RCSD1: variants seen among roughly 807,000 people sequenced by gnomAD.
RCSD1 encodes the protein RCSD domain containing 1.
In RCSD1, 26 loss-of-function variants were observed where a neutral mutation model predicts 42.5. That is an observed-to-expected ratio of 0.61 (90% CI 0.45 to 0.85). The LOEUF (loss-of-function observed/expected upper bound fraction) is 0.85, where lower values mean the gene tolerates loss of function less well. Ranked by LOEUF, RCSD1 falls within the 40% of genes least tolerant of loss-of-function variation. RCSD1 has a pLI of 0.00. For missense variants in RCSD1, 571 were observed against 528.3 expected (o/e 1.08, Z -0.79); for synonymous variants, 220 against 212.2 (o/e 1.04, Z -0.32).
chr1:167,671,127 C>T (rs1055149444), intron 1 of RCSD1, among the ~76,000 whole-genome samples: 5 of 152,176 alleles, frequency 3.3e-5, no homozygotes, highest in Non-Finnish European at 5.9e-5. Context: ...GAATCCCTAG[C>T]GCCTGGCCTA....
intron 1 of RCSD1, among the ~76,000 whole-genome samples, chr1:167,676,470 A>G (rs1444131072): frequency 6.6e-6 from 1 of 152,256 alleles, no homozygotes; most frequent in African/African-American, 2.4e-5. Flanking sequence ...ATATATCAGA[A>G]GCAAGACTGA....
chr1:167,664,631 G>C (rs1658611641), intron 1 of RCSD1: 2 of 152,254 alleles, frequency 1.3e-5, no homozygotes, highest in Non-Finnish European at 2.9e-5. Flanking sequence ...CTGGCTGGCT[G>C]TTATGGCTCA....
At chr1:167,631,082 G>C (rs1657685107) in intron 1 of RCSD1, among the ~76,000 whole-genome samples, 1 of 152,244 alleles carries the variant, frequency 6.6e-6, no homozygotes, top group African/African-American at 2.4e-5. Context: ...CTCTGAAGCT[G>C]TGTGTATGGA....
chr1:167,676,919 G>A (rs1182498461), intron 1 of RCSD1, among the ~76,000 whole-genome samples: 17 of 152,152 alleles, frequency 1.1e-4, no homozygotes, highest in Non-Finnish European at 8.8e-5. Context: ...TTCCAAACAG[G>A]GACACACTCC....
chr1:167,666,925 A>G (rs1381709976), intron 1 of RCSD1, among the ~76,000 whole-genome samples: 1 of 152,252 alleles, frequency 6.6e-6, no homozygotes, highest in East Asian at 1.9e-4. Context: ...CCCTAAGACA[A>G]TTCTTCCACT....
rs183653927 is a variant in RCSD1, at chr1:167,697,381, A to C, written c.757A>C (p.Arg253=). ...PSRTEKQEED[R]ATEEAKNGEK... is the part of the protein sequence containing the mutation. ...CAGGACAGAGAAGCAGGAGGAGGACAGGGCCACAGAGGAAGCCAAGAACGG... is the reference window on the plus strand; with the variant it reads ...CAGGACAGAGAAGCAGGAGGAGGACCGGGCCACAGAGGAAGCCAAGAACGG... The change falls in exon 6 of 7, where the codon AGG becomes CGG. Residue 253 remains arginine, a synonymous_variant. Transcript: ENST00000367854. 7.4e-6 allele frequency: 12 copies of C among 1,613,872 alleles called. No individual in the cohort carries two copies. The East Asian group carries it at 2.2e-4, about 30-fold the overall frequency.
intron 1 of RCSD1, among the ~76,000 whole-genome samples, chr1:167,641,112 C>G (rs1409823821): frequency 2.0e-5 from 3 of 152,148 alleles, no homozygotes; most frequent in Non-Finnish European, 4.4e-5. Context: ...CCCCTAGTGC[C>G]TGGGTCTCAG....
At chr1:167,646,150 T>A (rs1234378062) in intron 1 of RCSD1, among the ~76,000 whole-genome samples, 1 of 152,164 alleles carries the variant, frequency 6.6e-6, no homozygotes, top group Non-Finnish European at 1.5e-5. Flanking sequence ...TCTAGGAGCA[T>A]GGAGAATTTT....
intron 1 of RCSD1, among the ~76,000 whole-genome samples, chr1:167,662,598 A>G (rs1439933703): frequency 6.6e-6 from 1 of 152,216 alleles, no homozygotes; most frequent in Non-Finnish European, 1.5e-5. Flanking sequence ...TGCTTTCCAG[A>G]AACTCTCCTT....
At chr1:167,633,628 G>A (rs1657757631) in intron 1 of RCSD1, 1 of 152,310 alleles carries the variant, frequency 6.6e-6, no homozygotes, top group Non-Finnish European at 1.5e-5. Flanking sequence ...TCAAACGGGT[G>A]GCTTTTTCTA....
intron 1 of RCSD1, among the ~76,000 whole-genome samples, chr1:167,657,227 T>A (rs1658443787): frequency 6.6e-6 from 1 of 152,240 alleles, no homozygotes; most frequent in South Asian, 2.1e-4. Flanking sequence ...CCTTTGGAGA[T>A]ACAATCTGTT....
At chr1:167,659,653 C>G (rs537941124) in intron 1 of RCSD1, among the ~76,000 whole-genome samples, 1 of 152,186 alleles carries the variant, frequency 6.6e-6, no homozygotes, top group Non-Finnish European at 1.5e-5. Flanking sequence ...CATTCCCTGG[C>G]CAGATCTTAC....
chr1:167,682,527 C>T (rs1347419365), intron 1 of RCSD1, among the ~76,000 whole-genome samples: 2 of 152,130 alleles, frequency 1.3e-5, no homozygotes, highest in East Asian at 3.8e-4. Context: ...CTGGAAGTGG[C>T]TGGGAGGTGA....
At position 167,706,478 on chromosome 1, in the gene RCSD1, T is replaced by TTTTCC. The variant is rs924140036; in HGVS notation, c.*1784_*1785insTCCTT. ...GTGAATGTGTGATGAAAAGGGCCAC[T>TTTTCC]TTACTTGAGGAAGGCATGGAACAGA... On this transcript the variant is annotated 3_prime_UTR_variant, in exon 7 of 7. Transcript: ENST00000367854. 6.6e-6 allele frequency among the ~76,000 whole-genome samples: 1 copy of TTTTCC among 152,108 alleles called. No individual in the cohort carries two copies. Among genetic ancestry groups the TTTTCC allele is most frequent in the African/African-American group, 2.4e-5 (1 of 41,364 alleles).
At chr1:167,677,651 A>C (rs1361574748) in intron 1 of RCSD1, among the ~76,000 whole-genome samples, 1 of 152,214 alleles carries the variant, frequency 6.6e-6, no homozygotes, top group Non-Finnish European at 1.5e-5. Context: ...TGAGTAGAGG[A>C]AACAGTCCAC....
intron 1 of RCSD1, among the ~76,000 whole-genome samples, chr1:167,643,575 G>A (rs548524659): frequency 3.2e-4 from 49 of 152,368 alleles, no homozygotes; most frequent in African/African-American, 1.0e-3. Context: ...ATGCAGGAAT[G>A]CAGGCTTCAT....
At chr1:167,647,903 A>T (rs74347209) in intron 1 of RCSD1, among the ~76,000 whole-genome samples, 1,679 of 152,316 alleles carry the variant, frequency 0.011, 10 homozygotes, top group Non-Finnish European at 0.014. Flanking sequence ...GAAATTCATC[A>T]TCTTAACACA....
At chr1:167,698,279 T>C (rs978868067) in intron 6 of RCSD1, among the ~76,000 whole-genome samples, 4 of 152,214 alleles carry the variant, frequency 2.6e-5, no homozygotes, top group Admixed American at 2.6e-4. Flanking sequence ...AACTCTTTCA[T>C]GTGCATGAAC....
In RCSD1 at chr1:167,694,266, G is replaced by T. The variant is rs376764737; in HGVS notation, c.438G>T (p.Gln146His). The change falls in exon 5 of 7, where the codon CAG (glutamine) becomes CAT (histidine). Residue 146 changes from glutamine to histidine, a missense_variant. Physicochemically the swap from Gln to His is conservative, Grantham distance 24. Transcript: ENST00000367854. Reference protein sequence around the residue: ...EAEEVPVSFDQPPEGSHLPCY... With the variant: ...EAEEVPVSFDHPPEGSHLPCY... ...AGGAGGTGCCTGTCAGCTTCGACCA[G>T]CCCCCTGAAGGCAGTCATCTGCCCT... The T allele has an allele frequency of 1.2e-6, 2 of 1,614,000 alleles. No homozygotes were observed. The highest frequency in any genetic ancestry group is 2.7e-5 in the African/African-American group (2 of 74,924).
Sources: gnomAD v4.1 joint callset for allele counts (sites outside exome capture counted in the v4.1 genomes callset) on GRCh38, gnomAD v4.1.1 for gene constraint, MANE v1.5 for transcripts, NCBI Gene and HGNC (gene_info 2026-07-23, HGNC 2026-07-21) for gene names.